Variants in SGCD observed in about 807,000 individuals in gnomAD.
The protein encoded by SGCD is sarcoglycan delta.
In SGCD, 18 loss-of-function variants were observed where a neutral mutation model predicts 36.6. That is an observed-to-expected ratio of 0.49 (90% CI 0.34 to 0.73). The LOEUF (loss-of-function observed/expected upper bound fraction) is 0.73. Among genes scored for constraint, SGCD ranks in the 30% least tolerant of loss-of-function variants. SGCD has a pLI of 0.01. For synonymous variants in SGCD, 133 were observed against 130.6 expected, an observed-to-expected ratio of 1.02 and a Z score of -0.12; for missense variants, 387 against 346.7, an observed-to-expected ratio of 1.12 and a Z score of -0.92.
chr5:156,269,257 C>A (rs977935761), intron 3 of SGCD, among the ~76,000 whole-genome samples: 1 of 151,812 alleles, frequency 6.6e-6, no homozygotes, highest in Non-Finnish European at 1.5e-5. Flanking sequence ...ATCACGAGGT[C>A]AGGAGATCAA....
chr5:156,587,780 C>T (rs1328421065), intron 4 of SGCD, among the ~76,000 whole-genome samples: 2 of 152,078 alleles, frequency 1.3e-5, no homozygotes, highest in Non-Finnish European at 2.9e-5. Context: ...TTCTTTGCTT[C>T]CTGCTCCACA....
chr5:156,146,396 C>T (rs1016500820), intron 3 of SGCD, among the ~76,000 whole-genome samples: 20 of 152,024 alleles, frequency 1.3e-4, no homozygotes, highest in African/African-American at 4.1e-4. Flanking sequence ...TCACGTTAAC[C>T]GAATGTTACA....
At chr5:156,406,790 T>TTA (rs200600544) in intron 3 of SGCD, among the ~76,000 whole-genome samples, 25,485 of 74,056 alleles carry the variant, frequency 0.34, 5,311 homozygotes, top group Non-Finnish European at 0.44. Flanking sequence ...ATAGGAGATT[T>TTA]TATATATATA....
At chr5:156,156,589 A>G (rs1762970459) in intron 3 of SGCD, among the ~76,000 whole-genome samples, 1 of 151,550 alleles carries the variant, frequency 6.6e-6, no homozygotes, top group African/African-American at 2.4e-5. Context: ...GCGCCACTGC[A>G]CTCCAGACTG....
At chr5:156,748,687 A>ATAAC (rs1474111500) in intron 7 of SGCD, among the ~76,000 whole-genome samples, 32 of 152,350 alleles carry the variant, frequency 2.1e-4, no homozygotes, top group African/African-American at 7.7e-4. Context: ...GAACAACTAA[A>ATAAC]TAACTTGAGT....
At chr5:155,925,321 G>A (rs571548760) in intron 1 of SGCD, among the ~76,000 whole-genome samples, 1 of 152,252 alleles carries the variant, frequency 6.6e-6, no homozygotes, top group African/African-American at 2.4e-5. Context: ...CCATAGCAAA[G>A]TACCACAAAT....
In SGCD at chr5:156,298,383, A is replaced by G. The variant is rs531204754; in HGVS notation, c.-43-31151A>G. Among the ~76,000 whole-genome samples the G allele has an allele frequency of 1.3e-3, 196 of 152,262 alleles. 1 individual carries two copies. The highest frequency in any genetic ancestry group is 4.6e-3 in the African/African-American group (191 of 41,566). On this transcript the variant is annotated intron_variant, in intron 3 of 9. Transcript: ENST00000517913. ...TGTACTAATTTACATTCCCACCAAC[A>G]GTGTACAAGGGTTCCATTTTCTCCA...
intron 3 of SGCD, among the ~76,000 whole-genome samples, chr5:156,152,382 A>C (rs1762853275): frequency 6.6e-6 from 1 of 151,622 alleles, no homozygotes; most frequent in Non-Finnish European, 1.5e-5. Flanking sequence ...CCTTCACATA[A>C]GTCCTGATTC....
chr5:155,967,289 G>A (rs1265566881), intron 1 of SGCD, among the ~76,000 whole-genome samples: 1 of 151,996 alleles, frequency 6.6e-6, no homozygotes, highest in Non-Finnish European at 1.5e-5. Flanking sequence ...TTTAGTGAGG[G>A]TTGTGTTGTT....
chr5:156,188,674 C>T (rs549876089), intron 3 of SGCD, among the ~76,000 whole-genome samples: 4 of 134,846 alleles, frequency 3.0e-5, no homozygotes, highest in Admixed American at 7.2e-5. Context: ...AACCGCCCCC[C>T]CCGACACACA....
intron 1 of SGCD, among the ~76,000 whole-genome samples, chr5:156,081,943 G>A (rs1293021422): frequency 1.3e-5 from 2 of 152,134 alleles, no homozygotes; most frequent in African/African-American, 2.4e-5. Flanking sequence ...GGAAATGTGA[G>A]TAATTTTAGA....
At chr5:155,780,385 A>G in the SGCD span, among the ~76,000 whole-genome samples, 11 of 152,176 alleles carry the variant, frequency 7.2e-5, no homozygotes, top group Non-Finnish European at 1.6e-4. Flanking sequence ...TAAAGTAGTG[A>G]CATAGATGGT....
intron 3 of SGCD, among the ~76,000 whole-genome samples, chr5:156,253,737 A>C (rs1260895829): frequency 1.3e-5 from 2 of 152,186 alleles, no homozygotes; most frequent in Non-Finnish European, 2.9e-5. Flanking sequence ...TCAGTTAAAG[A>C]AGGGAAAATA....
At position 156,761,010 on chromosome 5, in the gene SGCD, G is replaced by A. The variant is rs1341949804; in HGVS notation, c.*1620G>A. On this transcript the variant is annotated 3_prime_UTR_variant, in exon 9 of 9. Transcript: ENST00000337851. ...AGTCCTGGATGCCATTTGGAAAGTA[G>A]TGGCCCTGCAAGCCTAAATGAAGTA... The A allele has an allele frequency of 6.6e-6, 1 of 152,204 alleles. No homozygotes were observed. The highest frequency in any genetic ancestry group is 1.5e-5 in the Non-Finnish European group (1 of 68,038). The allele number at this position is 152,204 out of a possible 1,614,324, so 9.4% of individuals were successfully genotyped here. A position where few individuals can be genotyped will look rare whatever the true frequency, so the allele number is the denominator to read the frequency against.
At chr5:156,552,582 A>G (rs1042718140) in intron 4 of SGCD, among the ~76,000 whole-genome samples, 1 of 152,182 alleles carries the variant, frequency 6.6e-6, no homozygotes, top group African/African-American at 2.4e-5. Flanking sequence ...ACAAGTACCA[A>G]TGGATGTGGA....
intron 3 of SGCD, among the ~76,000 whole-genome samples, chr5:156,229,716 A>C (rs1764965230): frequency 6.6e-6 from 1 of 152,056 alleles, no homozygotes; most frequent in African/African-American, 2.4e-5. Context: ...CTAGGGCTCT[A>C]GTAAGGGAAG....
chr5:156,590,644 T>A (rs1309298024), intron 5 of SGCD, among the ~76,000 whole-genome samples: 2 of 152,186 alleles, frequency 1.3e-5, no homozygotes, highest in Non-Finnish European at 2.9e-5. Context: ...ATTTCCCATT[T>A]ATTTGTAGTG....
At position 156,246,872 on chromosome 5, in the gene SGCD, A is replaced by G. The variant is rs189392684; in HGVS notation, c.-43-82662A>G. Among the ~76,000 whole-genome samples the G allele has an allele frequency of 4.5e-3, 686 of 152,310 alleles. 4 individuals carry two copies. The highest frequency in any genetic ancestry group is 0.016 in the African/African-American group (658 of 41,582). ...ACAGATATCACCAGCTCGCCTCTTA[A>G]TAATGACCACTTTAGGCCTAAAACA... is the stretch of plus-strand genomic sequence containing the variant. On this transcript the variant is annotated intron_variant, in intron 3 of 9. Coordinates refer to the SGCD transcript ENST00000517913.
chr5:156,204,588 G>A (rs371538722), intron 3 of SGCD, among the ~76,000 whole-genome samples: 6 of 151,998 alleles, frequency 3.9e-5, no homozygotes, highest in South Asian at 2.1e-4. Context: ...ACGTGTCAGC[G>A]TATGGGATCT....
Sources: allele counts gnomAD v4.1 joint callset (sites outside exome capture counted in the v4.1 genomes callset), GRCh38; gene constraint gnomAD v4.1.1; transcripts MANE v1.5; gene names NCBI Gene and HGNC (gene_info 2026-07-23, HGNC 2026-07-21).